TRHDE: variants seen among roughly 807,000 people sequenced by gnomAD.
TRHDE encodes the protein thyrotropin-releasing hormone-degrading ectoenzyme.
TRHDE carries 72 observed loss-of-function variants against 125.7 expected under a neutral mutation model. That is an observed-to-expected ratio of 0.57 (90% confidence interval 0.47 to 0.70). TRHDE has a LOEUF of 0.70. Ranked by LOEUF, TRHDE falls within the 30% of genes least tolerant of loss-of-function variation. The pLI, the probability that TRHDE is intolerant of heterozygous loss-of-function variation, is 0.00. For synonymous variants in TRHDE, 509 were observed against 509.1 expected (o/e 1.00, Z 0.00); for missense variants, 1,110 against 1,327.1 (o/e 0.84, Z 2.54).
chr12:72,420,030 A>G (rs1565734539), intron 3 of TRHDE, among the ~76,000 whole-genome samples: 1 of 152,204 alleles, frequency 6.6e-6, no homozygotes, highest in Non-Finnish European at 1.5e-5. Context: ...AAATTTTACA[A>G]TACATTATTT....
At chr12:72,093,444 C>G (rs751736185) in intron 1 of TRHDE, among the ~76,000 whole-genome samples, 1 of 152,106 alleles carries the variant, frequency 6.6e-6, no homozygotes, top group Non-Finnish European at 1.5e-5. Context: ...CCTGCTGGAA[C>G]TCCCAAAATT....
chr12:72,280,321 G>C (rs1879650839), intron 1 of TRHDE, among the ~76,000 whole-genome samples: 1 of 152,148 alleles, frequency 6.6e-6, no homozygotes, highest in South Asian at 2.1e-4. Context: ...GCACATCTGT[G>C]GTTATTAAAT....
intron 12 of TRHDE, among the ~76,000 whole-genome samples, chr12:72,582,756 A>G (rs1871291153): frequency 6.6e-6 from 1 of 152,206 alleles, no homozygotes. Flanking sequence ...TCCTCACTCT[A>G]TAATGGAGAT....
At chr12:72,501,029 C>T (rs1050782518) in intron 6 of TRHDE, among the ~76,000 whole-genome samples, 1 of 151,834 alleles carries the variant, frequency 6.6e-6, no homozygotes, top group Non-Finnish European at 1.5e-5. Flanking sequence ...TACAGTATGC[C>T]TCCAGTTCCT....
chr12:72,634,154 C>A (rs1213289503), intron 15 of TRHDE, among the ~76,000 whole-genome samples: 1 of 152,060 alleles, frequency 6.6e-6, no homozygotes, highest in African/African-American at 2.4e-5. Context: ...TCCCCATTTT[C>A]CAGAAGGGGA....
At chr12:72,645,540 G>A (rs552452097) in intron 15 of TRHDE, among the ~76,000 whole-genome samples, 1 of 152,118 alleles carries the variant, frequency 6.6e-6, no homozygotes, top group African/African-American at 2.4e-5. Context: ...AAAGAGAAAG[G>A]ACTAGACAGC....
intron 2 of TRHDE, among the ~76,000 whole-genome samples, chr12:72,315,998 C>T (rs1048849777): frequency 5.9e-5 from 9 of 152,052 alleles, no homozygotes; most frequent in African/African-American, 1.4e-4. Flanking sequence ...GTGCCAGCTG[C>T]GGATTGAGGC....
At chr12:72,427,055 TG>T (rs1874219828) in intron 3 of TRHDE, among the ~76,000 whole-genome samples, 1 of 152,152 alleles carries the variant, frequency 6.6e-6, no homozygotes, top group Admixed American at 6.6e-5. Flanking sequence ...TTATATTATC[TG>T]GGCTCTACAG....
chr12:72,335,937 G>C (rs956411025), intron 2 of TRHDE, among the ~76,000 whole-genome samples: 36 of 152,170 alleles, frequency 2.4e-4, no homozygotes, highest in African/African-American at 8.2e-4. Flanking sequence ...GAGCAAGTTG[G>C]ATAATACATT....
At chr12:72,409,504 G>A (rs994838978) in intron 3 of TRHDE, among the ~76,000 whole-genome samples, 3 of 152,162 alleles carry the variant, frequency 2.0e-5, no homozygotes, top group African/African-American at 7.2e-5. Context: ...GTATGTGGAA[G>A]TGACAAGCAA....
rs1423332430 is a variant in TRHDE, at chr12:72,664,326, G to A, written c.*1131G>A. 6.6e-6 allele frequency: 1 copy of A among 152,444 alleles called. No individual in the cohort carries two copies. The highest frequency in any genetic ancestry group is 1.5e-5 in the Non-Finnish European group (1 of 68,000). 9.4% of individuals were successfully genotyped at this position (152,444 alleles called of 1,614,324 possible). Reference sequence around the variant, plus strand: ...AGTTAAAAAAATTCTCTGCATGTTGGTCTTTTAAGTCTGTTTTGCTCTAAT... The same window carrying A: ...AGTTAAAAAAATTCTCTGCATGTTGATCTTTTAAGTCTGTTTTGCTCTAAT... On this transcript the variant is annotated 3_prime_UTR_variant, in exon 19 of 19. Transcript: ENST00000261180.
intron 12 of TRHDE, 67 bp downstream of exon 12, chr12:72,575,609 T>C: frequency 7.4e-7 from 1 of 1,342,986 alleles, no homozygotes; most frequent in South Asian, 1.2e-5. Flanking sequence ...TTAAACTGCA[T>C]AATATGTATA....
chr12:72,461,388 TACCCTTGAAAGGAAG>T (rs2135885607), intron 3 of TRHDE, among the ~76,000 whole-genome samples: 1 of 152,280 alleles, frequency 6.6e-6, no homozygotes, highest in South Asian at 2.1e-4. Flanking sequence ...CTTGAGAATA[TACCCTTGAAAGGAAG>T]AAAAAGAATG....
At chr12:72,450,187 C>T (rs1243148263) in intron 3 of TRHDE, among the ~76,000 whole-genome samples, 2 of 151,790 alleles carry the variant, frequency 1.3e-5, no homozygotes, top group South Asian at 2.1e-4. Context: ...TTCAGATATA[C>T]CTCTGAAATG....
At chr12:72,611,066 T>A in intron 12 of TRHDE, 1 of 166,396 alleles carries the variant, frequency 6.0e-6, no homozygotes. Flanking sequence ...AGGATGCATT[T>A]TAAAAGGAGC....
chr12:72,499,657 C>A, intron 6 of TRHDE, 22 bp downstream of exon 6: 1 of 1,608,782 alleles, frequency 6.2e-7, no homozygotes. Context: ...GAACAAAGTG[C>A]CAATTAGATA....
chr12:72,291,425 C>T (rs144506806), intron 2 of TRHDE, among the ~76,000 whole-genome samples: 26 of 152,264 alleles, frequency 1.7e-4, no homozygotes, highest in African/African-American at 6.3e-4. Flanking sequence ...CTGTTCACTT[C>T]GGCATTTGGC....
At chr12:72,601,858 T>A (rs1474339461) in intron 12 of TRHDE, among the ~76,000 whole-genome samples, 3 of 152,126 alleles carry the variant, frequency 2.0e-5, no homozygotes, top group South Asian at 4.1e-4. Flanking sequence ...ACCAAAAAAA[T>A]TTGTGACTTT....
chr12:72,220,463 C>T (rs1031695690), intron 2 of TRHDE, among the ~76,000 whole-genome samples: 1 of 152,062 alleles, frequency 6.6e-6, no homozygotes, highest in Admixed American at 6.6e-5. Flanking sequence ...GTGTTGTTAG[C>T]CTGGCATTCC....
Sources: gnomAD v4.1 joint callset for allele counts (sites outside exome capture counted in the v4.1 genomes callset) on GRCh38, gnomAD v4.1.1 for gene constraint, MANE v1.5 for transcripts, NCBI Gene and HGNC (gene_info 2026-07-23, HGNC 2026-07-21) for gene names.